SIPA1L2: variants seen among roughly 807,000 people sequenced by gnomAD.
SIPA1L2 encodes signal induced proliferation associated 1 like 2, also known as signal-induced proliferation-associated 1-like protein 2.
Under a neutral mutation model 163.9 loss-of-function variants are expected in SIPA1L2, and 56 were observed. That is an observed-to-expected ratio of 0.34 (90% CI 0.28 to 0.43). SIPA1L2 has a LOEUF of 0.43. Ranked by LOEUF, SIPA1L2 falls within the 20% of genes least tolerant of loss-of-function variation. The probability of loss-of-function intolerance (pLI) is 1.00; values close to 1 mark genes in which losing one functional copy is unlikely to be tolerated. For synonymous variants in SIPA1L2, 877 were observed against 865.7 expected, an observed-to-expected ratio of 1.01 and a Z score of -0.23; for missense variants, 1,974 against 2,193.5, an observed-to-expected ratio of 0.90 and a Z score of 2.00.
Position 232,405,066 on chromosome 1 carries a change from C to A in SIPA1L2, c.4763-888G>T, listed in dbSNP as rs191754426. 6.0e-3 allele frequency among the ~76,000 whole-genome samples: 912 copies of A among 152,258 alleles called. 7 individuals are homozygous for A. The highest frequency in any genetic ancestry group is 0.011 in the Non-Finnish European group (736 of 67,998). On this transcript the variant is annotated intron_variant, in intron 19 of 22. Coordinates refer to ENST00000674635, the MANE Select transcript of SIPA1L2 (RefSeq NM_020808.5). ...ACAAGCCTCCTAATGAGGCTACCTG[C>A]TTGTTTGCTTTATGGCAGGTCATAC...
intron 5 of SIPA1L2, among the ~76,000 whole-genome samples, chr1:232,489,027 A>C (rs540651724): frequency 6.6e-6 from 1 of 152,234 alleles, no homozygotes; most frequent in Admixed American, 6.5e-5. Context: ...AAGAAGCCCT[A>C]AATGGTGGCA....
At chr1:232,487,311 T>C (rs1665690346) in intron 5 of SIPA1L2, among the ~76,000 whole-genome samples, 1 of 152,202 alleles carries the variant, frequency 6.6e-6, no homozygotes, top group Admixed American at 6.5e-5. Flanking sequence ...CGAGCATATC[T>C]TTGAGTGTGC....
chr1:232,582,871 G>A (rs1660456495), intron 1 of SIPA1L2, among the ~76,000 whole-genome samples: 1 of 152,190 alleles, frequency 6.6e-6, no homozygotes, highest in African/African-American at 2.4e-5. Context: ...TCCATGTGGT[G>A]TTGAAAATTC....
intron 6 of SIPA1L2, among the ~76,000 whole-genome samples, chr1:232,483,150 C>T (rs1397242154): frequency 6.6e-6 from 1 of 151,992 alleles, no homozygotes; most frequent in African/African-American, 2.4e-5. Flanking sequence ...GGCATAAAGC[C>T]CATGTTTTGG....
At chr1:232,627,278 G>GAA (rs1663128083) in intron 1 of SIPA1L2, among the ~76,000 whole-genome samples, 1 of 152,142 alleles carries the variant, frequency 6.6e-6, no homozygotes, top group African/African-American at 2.4e-5. Context: ...AAAGTATGCA[G>GAA]GAAACACAAT....
chr1:232,544,502 G>A (rs1657902188), intron 2 of SIPA1L2, among the ~76,000 whole-genome samples: 1 of 151,984 alleles, frequency 6.6e-6, no homozygotes, highest in Non-Finnish European at 1.5e-5. Flanking sequence ...ACAGCTTGCA[G>A]TGAGCCGAGA....
chr1:232,492,985 C>T (rs1355988364), intron 4 of SIPA1L2, among the ~76,000 whole-genome samples: 1 of 152,076 alleles, frequency 6.6e-6, no homozygotes, highest in East Asian at 1.9e-4. Context: ...TGTGTCCCTG[C>T]CCAAATCTCA....
intron 14 of SIPA1L2, among the ~76,000 whole-genome samples, chr1:232,440,663 C>T (rs930346656): frequency 6.6e-6 from 1 of 152,196 alleles, no homozygotes; most frequent in Non-Finnish European, 1.5e-5. Flanking sequence ...TTCACCTGAA[C>T]ATTTTCAAAA....
intron 2 of SIPA1L2, among the ~76,000 whole-genome samples, chr1:232,563,839 T>C (rs1659183731): frequency 6.6e-6 from 1 of 151,732 alleles, no homozygotes; most frequent in South Asian, 2.1e-4. Context: ...CTCAGCCTCC[T>C]GAGTCACTGG....
intron 2 of SIPA1L2, among the ~76,000 whole-genome samples, chr1:232,554,319 A>G (rs540844532): frequency 2.6e-5 from 4 of 152,364 alleles, no homozygotes; most frequent in East Asian, 3.9e-4. Context: ...TGAAACTTCA[A>G]TAACAGGACA....
intron 2 of SIPA1L2, among the ~76,000 whole-genome samples, chr1:232,572,157 C>T (rs1038716143): frequency 3.3e-5 from 5 of 152,156 alleles, no homozygotes; most frequent in Admixed American, 3.3e-4. Context: ...CCATAGTACT[C>T]CAAAGTGCAG....
At position 232,511,498 on chromosome 1, in the gene SIPA1L2, T is replaced by C. The variant is rs531379625; in HGVS notation, c.1483+2359A>G. ...TTACAAAAGACATGCTAAGTCTGGA[T>C]TGATGCAAAAACAGGAGGGGGAATT... is the stretch of plus-strand genomic sequence containing the variant. On this transcript the variant is annotated intron_variant, in intron 3 of 22. Coordinates refer to ENST00000674635, the MANE Select transcript of SIPA1L2 (RefSeq NM_020808.5). Among the ~76,000 whole-genome samples the C allele has an allele frequency of 5.9e-5, 9 of 152,276 alleles. No homozygotes were observed. In the South Asian group the frequency reaches 1.0e-3, roughly 18 times the overall value.
Position 232,404,136 on chromosome 1 carries a change from G to A in SIPA1L2, c.4805C>T (p.Thr1602Met), listed in dbSNP as rs774023610. 2.7e-5 allele frequency: 44 copies of A among 1,613,920 alleles called. No homozygotes were observed. The highest frequency in any genetic ancestry group is 3.4e-5 in the Non-Finnish European group (40 of 1,179,956). ...DEELGLLCHH[T>M]SYLDQRVASF... ...CCCCAGACAATCACCTAGATAGGACGTGTGGTGACAGAGCAGCCCCAGTTC... is the reference window on the plus strand; with the variant it reads ...CCCCAGACAATCACCTAGATAGGACATGTGGTGACAGAGCAGCCCCAGTTC... The change falls in exon 20 of 23, where the codon ACG becomes ATG. Residue 1602 changes from threonine (T) to methionine (M), a missense_variant. Transcript: ENST00000674635.
At chr1:232,527,688 A>G (rs1234032290) in intron 2 of SIPA1L2, among the ~76,000 whole-genome samples, 1 of 151,370 alleles carries the variant, frequency 6.6e-6, no homozygotes, top group African/African-American at 2.4e-5. Context: ...TAAAATAACA[A>G]GAACACCAAA....
At chr1:232,520,006 C>G (rs1667391222) in intron 2 of SIPA1L2, among the ~76,000 whole-genome samples, 1 of 152,196 alleles carries the variant, frequency 6.6e-6, no homozygotes, top group Non-Finnish European at 1.5e-5. Context: ...GTGACCTTGT[C>G]AGCAACATGA....
chr1:232,629,403 C>G (rs1031895501), intron 1 of SIPA1L2, among the ~76,000 whole-genome samples: 1 of 152,212 alleles, frequency 6.6e-6, no homozygotes, highest in Non-Finnish European at 1.5e-5. Flanking sequence ...GGATCCGTCC[C>G]GGTGAGGGCG....
At chr1:232,488,644 A>G (rs957882335) in intron 5 of SIPA1L2, among the ~76,000 whole-genome samples, 3 of 152,250 alleles carry the variant, frequency 2.0e-5, no homozygotes, top group African/African-American at 7.2e-5. Context: ...ACTACTAGAG[A>G]TACGAAATGC....
At chr1:232,603,295 A>C (rs1414433951) in intron 1 of SIPA1L2, among the ~76,000 whole-genome samples, 1 of 152,328 alleles carries the variant, frequency 6.6e-6, no homozygotes, top group African/African-American at 2.4e-5. Flanking sequence ...AAGGCCAGAC[A>C]GGTAAAGATC....
At chr1:232,521,474 A>G (rs1182831801) in intron 2 of SIPA1L2, among the ~76,000 whole-genome samples, 1 of 152,186 alleles carries the variant, frequency 6.6e-6, no homozygotes, top group African/African-American at 2.4e-5. Flanking sequence ...AAAGGGCCCA[A>G]TCAAAGGTTT....
Sources: gnomAD v4.1 joint callset for allele counts (sites outside exome capture counted in the v4.1 genomes callset) on GRCh38, gnomAD v4.1.1 for gene constraint, MANE v1.5 for transcripts, NCBI Gene and HGNC (gene_info 2026-07-23, HGNC 2026-07-21) for gene names.